The following CYYR1 variants were observed in gnomAD, a reference collection of about 807,000 sequenced individuals.
CYYR1 encodes cysteine and tyrosine rich 1.
In CYYR1, 14 loss-of-function variants were observed where a neutral mutation model predicts 15.2. That is an observed-to-expected ratio of 0.92 (90% CI 0.61 to 1.44). CYYR1 has a LOEUF of 1.44. Among genes scored for constraint, CYYR1 ranks in the 40% most tolerant of loss-of-function variants. CYYR1 has a pLI of 0.00. For synonymous variants in CYYR1, 80 were observed against 77.4 expected (o/e 1.03, Z -0.18); for missense variants, 228 against 209.5 (o/e 1.09, Z -0.54).
At chr21:26,552,013 C>G (rs559846182) in intron 2 of CYYR1, 1 of 152,306 alleles carries the variant, frequency 6.6e-6, no homozygotes, top group Non-Finnish European at 1.5e-5. Flanking sequence ...GCAACCACCA[C>G]CTTGATCAGT....
intron 2 of CYYR1, among the ~76,000 whole-genome samples, chr21:26,497,284 T>G (rs1271361906): frequency 6.6e-6 from 1 of 152,150 alleles, no homozygotes; most frequent in Non-Finnish European, 1.5e-5. Flanking sequence ...ATAGAAATAG[T>G]TTTGGATTAT....
chr21:26,546,770 G>A (rs1668397925), intron 2 of CYYR1, among the ~76,000 whole-genome samples: 2 of 152,172 alleles, frequency 1.3e-5, no homozygotes. Flanking sequence ...ACACCAACCC[G>A]AGAGAGAAAG....
intron 2 of CYYR1, among the ~76,000 whole-genome samples, chr21:26,535,107 G>A (rs2065978951): frequency 6.6e-6 from 1 of 152,074 alleles, no homozygotes; most frequent in South Asian, 2.1e-4. Flanking sequence ...CTGTGGGGGT[G>A]TTTGGGGGAA....
intron 2 of CYYR1, among the ~76,000 whole-genome samples, chr21:26,546,006 G>A (rs1389541666): frequency 6.6e-6 from 1 of 152,146 alleles, no homozygotes; most frequent in Non-Finnish European, 1.5e-5. Flanking sequence ...GATTTCTGAA[G>A]CAAAATAAAT....
At chr21:26,515,642 GCT>G (rs987713537) in intron 2 of CYYR1, among the ~76,000 whole-genome samples, 1 of 152,020 alleles carries the variant, frequency 6.6e-6, no homozygotes, top group Non-Finnish European at 1.5e-5. Flanking sequence ...ATTCAGAACT[GCT>G]CTCTTTCTCC....
intron 2 of CYYR1, among the ~76,000 whole-genome samples, chr21:26,558,736 T>C (rs1478014533): frequency 6.6e-6 from 1 of 152,208 alleles, no homozygotes; most frequent in African/African-American, 2.4e-5. Context: ...TGGCATCATG[T>C]AGTACACATT....
intron 2 of CYYR1, among the ~76,000 whole-genome samples, chr21:26,557,991 C>A (rs1448625169): frequency 6.6e-6 from 1 of 152,216 alleles, no homozygotes; most frequent in Non-Finnish European, 1.5e-5. Context: ...TCCTTAGGTC[C>A]ACATCCCATC....
chr21:26,535,703 C>T (rs796799073), intron 2 of CYYR1, among the ~76,000 whole-genome samples: 22 of 152,294 alleles, frequency 1.4e-4, no homozygotes, highest in African/African-American at 4.8e-4. Flanking sequence ...CTTTTCCATA[C>T]CTGTGCTGCC....
At chr21:26,500,703 G>A (rs1426008088) in intron 2 of CYYR1, among the ~76,000 whole-genome samples, 1 of 152,070 alleles carries the variant, frequency 6.6e-6, no homozygotes, top group African/African-American at 2.4e-5. Context: ...GAAATGAGTG[G>A]GAAGACAGAG....
intron 2 of CYYR1, among the ~76,000 whole-genome samples, chr21:26,490,961 G>A (rs1249676885): frequency 6.6e-6 from 1 of 152,178 alleles, no homozygotes; most frequent in Non-Finnish European, 1.5e-5. Flanking sequence ...TGAAATTTAA[G>A]CTCTAAGACC....
At chr21:26,527,967 T>G (rs1303457222) in intron 2 of CYYR1, among the ~76,000 whole-genome samples, 1 of 152,058 alleles carries the variant, frequency 6.6e-6, no homozygotes, top group Non-Finnish European at 1.5e-5. Context: ...ACTACAGAAA[T>G]TCTATAAATA....
chr21:26,572,773 G>A (rs1027170306), intron 1 of CYYR1, 95 bp downstream of exon 1: 26 of 1,469,984 alleles, frequency 1.8e-5, no homozygotes, highest in Non-Finnish European at 2.0e-5. Context: ...TTCTGCAAAG[G>A]TCCCGGTCCG....
intron 2 of CYYR1, among the ~76,000 whole-genome samples, chr21:26,525,614 A>G (rs1469391202): frequency 6.6e-6 from 1 of 152,210 alleles, no homozygotes; most frequent in Non-Finnish European, 1.5e-5. Context: ...GTTATTCTTA[A>G]CGTGTGTTCA....
At chr21:26,545,123 GACAA>G (rs540014019) in intron 2 of CYYR1, among the ~76,000 whole-genome samples, 25 of 151,290 alleles carry the variant, frequency 1.7e-4, no homozygotes, top group African/African-American at 6.1e-4. Flanking sequence ...TTCCTAATTT[GACAA>G]ACATATTACT....
intron 2 of CYYR1, among the ~76,000 whole-genome samples, chr21:26,557,514 T>A (rs1979877491): frequency 6.6e-6 from 1 of 151,840 alleles, no homozygotes; most frequent in Admixed American, 6.6e-5. Context: ...CCACAAGGAG[T>A]GTATTCAGGT....
chr21:26,558,126 G>A (rs1979928617), intron 2 of CYYR1, among the ~76,000 whole-genome samples: 2 of 152,160 alleles, frequency 1.3e-5, no homozygotes, highest in African/African-American at 4.8e-5. Context: ...CTGGGAGTTG[G>A]TTACAAGCGC....
rs559264171 is a variant in CYYR1 at position 26,490,761 on chromosome 21, C to A, written c.177-10332G>T. On this transcript the variant is annotated intron_variant, in intron 2 of 3. Coordinates refer to ENST00000652641, the MANE Select transcript of CYYR1 (RefSeq NM_001320768.2). ...AGAGTTCAAACTGGAGCTTGGCAGT[C>A]CTAATTTCCACCACGGAGCTGAGTA... is the stretch of plus-strand genomic sequence containing the variant. 2.3e-3 allele frequency among the ~76,000 whole-genome samples: 345 copies of A among 152,266 alleles called. 7 individuals carry two copies. Among genetic ancestry groups the A allele is most frequent in the Non-Finnish European group, 1.1e-3 (75 of 67,994 alleles).
At chr21:26,520,785 G>T (rs1354194632) in intron 2 of CYYR1, among the ~76,000 whole-genome samples, 1 of 152,194 alleles carries the variant, frequency 6.6e-6, no homozygotes, top group Non-Finnish European at 1.5e-5. Flanking sequence ...ACTGGCATGA[G>T]ATGGTATCTC....
At chr21:26,494,602 C>T (rs896883400) in intron 2 of CYYR1, among the ~76,000 whole-genome samples, 1 of 151,930 alleles carries the variant, frequency 6.6e-6, no homozygotes, top group Non-Finnish European at 1.5e-5. Context: ...TACACCAAGA[C>T]GCAGTAGTTG....
Sources: allele counts gnomAD v4.1 joint callset (sites outside exome capture counted in the v4.1 genomes callset), GRCh38; gene constraint gnomAD v4.1.1; transcripts MANE v1.5; gene names NCBI Gene and HGNC (gene_info 2026-07-23, HGNC 2026-07-21).